The following WNT10A variants were observed in gnomAD, a reference collection of about 807,000 sequenced individuals.
WNT10A encodes Wnt family member 10A.
In WNT10A, 37 loss-of-function variants were observed where a neutral mutation model predicts 36.1. The ratio of observed to expected loss-of-function variants is 1.02; its 90% CI spans 0.79 to 1.35. WNT10A has a LOEUF of 1.35. WNT10A is among the 40% of genes most tolerant of loss of function. WNT10A has a pLI of 0.00. For synonymous variants in WNT10A, 255 were observed against 254.1 expected (o/e 1.00, Z -0.03); for missense variants, 613 against 601.4 (o/e 1.02, Z -0.20).
chr2:218,880,982 AG>A lies in WNT10A; in HGVS notation c.-11del. On this transcript the variant is annotated 5_prime_UTR_variant, in exon 1 of 4. Transcript: ENST00000258411. The surrounding 1 kb of genome is among the most constrained non-coding windows in gnomAD (Gnocchi z 7.7). ...GTGAGCCCCCCACTCCCAGCCCGTCAGGGCCTGCGCGCCATGGGCAGCGCCC... is the reference window on the plus strand; with the variant it reads ...GTGAGCCCCCCACTCCCAGCCCGTCAGGCCTGCGCGCCATGGGCAGCGCCC... 6.4e-7 allele frequency: 1 copy of A among 1,561,616 alleles called. No homozygotes were observed. The highest frequency in any genetic ancestry group is 8.7e-7 in the Non-Finnish European group (1 of 1,152,906).
chr2:218,886,695 C>A (rs1944582376), intron 2 of WNT10A, among the ~76,000 whole-genome samples: 1 of 151,898 alleles, frequency 6.6e-6, no homozygotes, highest in Non-Finnish European at 1.5e-5. Context: ...CCCGCTCCCC[C>A]TCCAGCTGGC....
chr2:218,888,504 T>C (rs1944608886), intron 2 of WNT10A, among the ~76,000 whole-genome samples: 1 of 152,230 alleles, frequency 6.6e-6, no homozygotes, highest in Non-Finnish European at 1.5e-5. Flanking sequence ...CAGCTTGCCC[T>C]TCCTTCTCCA....
chr2:218,891,551 C>G lies in WNT10A; in HGVS notation c.756+1188C>G, dbSNP rs191709741. 2.9e-3 allele frequency among the ~76,000 whole-genome samples: 440 copies of G among 152,290 alleles called. 2 individuals carry two copies. The highest frequency in any genetic ancestry group is 0.01 in the African/African-American group (426 of 41,548). ...CCTTGGGTCATGTCCAGCTCCCACC[C>G]AGCCTGCCCTGTACAGCTCTTTTCC... On this transcript the variant is annotated intron_variant, in intron 3 of 3. Coordinates refer to ENST00000258411, the MANE Select transcript of WNT10A (RefSeq NM_025216.3).
intron 2 of WNT10A, among the ~76,000 whole-genome samples, chr2:218,889,454 T>G: frequency 6.6e-6 from 1 of 152,246 alleles, no homozygotes; most frequent in East Asian, 1.9e-4. Context: ...GTGGGATTAC[T>G]GGATCAAATG....
chr2:218,891,625 C>T (rs1164933784), intron 3 of WNT10A, among the ~76,000 whole-genome samples: 2 of 152,222 alleles, frequency 1.3e-5, no homozygotes, highest in East Asian at 1.9e-4. Flanking sequence ...TCCTCCTCCT[C>T]CTCCTCGTTA....
intron 2 of WNT10A, among the ~76,000 whole-genome samples, chr2:218,883,316 AGGTCTTGTCC>A (rs1944539518): frequency 6.6e-6 from 1 of 152,020 alleles, no homozygotes; most frequent in Non-Finnish European, 1.5e-5. Context: ...CTAGCTCCTT[AGGTCTTGTCC>A]AATTTTCAGT....
chr2:218,884,269 G>A (rs1328140644), intron 2 of WNT10A: 1 of 152,198 alleles, frequency 6.6e-6, no homozygotes, highest in Non-Finnish European at 1.5e-5. Context: ...GAACAGCGCA[G>A]GGCTGGCTGG....
chr2:218,883,143 A>G (rs1365419776), intron 2 of WNT10A, among the ~76,000 whole-genome samples: 1 of 152,102 alleles, frequency 6.6e-6, no homozygotes, highest in Admixed American at 6.5e-5. Context: ...TGGGGATGGC[A>G]GGAGGTTTTG....
rs369027365 is a variant in WNT10A at position 218,889,995 on chromosome 2, A to G, written c.388A>G (p.Ser130Gly). Residue 130 changes from serine to glycine, a missense_variant, in exon 3 of 4, where the codon AGC (serine) becomes GGC (glycine). Transcript: ENST00000258411. ...SPIFSRGFRE[S>G]AFAYAIAAAG... ...GTCTTTAACCACAGGTTTCCGAGAG[A>G]GCGCTTTTGCCTACGCCATCGCAGC... The G allele has an allele frequency of 2.5e-6, 4 of 1,612,886 alleles. No homozygotes were observed. Among genetic ancestry groups the G allele is most frequent in the Non-Finnish European group, 3.4e-6 (4 of 1,180,032 alleles).
At chr2:218,880,042 T>G (rs942922152), upstream of WNT10A, among the ~76,000 whole-genome samples, 12 of 151,990 alleles carry the variant, frequency 7.9e-5, no homozygotes, top group Admixed American at 6.5e-5. The surrounding 1 kb of genome is among the most constrained non-coding windows in gnomAD (Gnocchi z 7.7). Context: ...AGGCACCTGT[T>G]TAAGGTCACA....
In WNT10A at chr2:218,893,502, C is replaced by A; in HGVS notation, c.*231C>A. On this transcript the variant is annotated 3_prime_UTR_variant, in exon 4 of 4. Transcript: ENST00000258411. The surrounding 1 kb of genome is among the most constrained non-coding windows in gnomAD (Gnocchi z 6.3). ...CTCTAGGACTGACTGGGTTCTTCCT[C>A]CCTCCCCGAAGCCCAGACAGTTCAG... The A allele has an allele frequency of 1.9e-6, 1 of 523,736 alleles. No individual in the cohort carries two copies. Among genetic ancestry groups the A allele is most frequent in the Non-Finnish European group, 3.1e-6 (1 of 321,668 alleles). The allele number at this position is 523,736 out of a possible 1,614,324, so 32.4% of individuals were successfully genotyped here.
rs1944668781 is a variant in WNT10A at position 218,892,789 on chromosome 2, A to C, written c.772A>C (p.Met258Leu). 1 of 1,594,984 alleles carries C rather than the reference A, an allele frequency of 6.3e-7. No homozygotes were observed. The change falls in exon 4 of 4, where the codon ATG (methionine) becomes CTG (leucine). Residue 258 changes from methionine (M) to leucine (L), a missense_variant. Physicochemically the swap from Met to Leu is conservative, Grantham distance 15. Transcript: ENST00000258411. ...CCCTCCGCAGGCAGTGATGGAGAAC[A>C]TGCGGCGGAAGTGCAAGTGCCACGG... ...RVGRQAVMEN[M>L]RRKCKCHGTS... is the part of the protein sequence containing the mutation.
chr2:218,883,658 C>T (rs905121648), intron 2 of WNT10A, among the ~76,000 whole-genome samples: 23 of 151,678 alleles, frequency 1.5e-4, no homozygotes, highest in African/African-American at 4.8e-4. Flanking sequence ...CTAATCCCCG[C>T]GGGCCGCGGC....
At chr2:218,886,723 G>A (rs1033103433) in intron 2 of WNT10A, among the ~76,000 whole-genome samples, 1 of 150,588 alleles carries the variant, frequency 6.6e-6, no homozygotes, top group African/African-American at 2.4e-5. Context: ...CACAGTGCCT[G>A]TGTCTGCCCC....
chr2:218,878,003 C>T (rs1487864708), upstream of WNT10A, among the ~76,000 whole-genome samples: 1 of 152,194 alleles, frequency 6.6e-6, no homozygotes, highest in Admixed American at 6.5e-5. This position sits in a 1 kb window ranked among gnomAD's most constrained non-coding sequence, Gnocchi z 4.1. Context: ...CTGTGACCTT[C>T]TCCAGAGCTG....
chr2:218,878,069 C>G (rs552631220), upstream of WNT10A, among the ~76,000 whole-genome samples: 10 of 152,314 alleles, frequency 6.6e-5, no homozygotes, highest in African/African-American at 2.2e-4. The surrounding 1 kb of genome is among the most constrained non-coding windows in gnomAD (Gnocchi z 4.1). Context: ...CCCCCGCCCC[C>G]CAGTGGCCCC....
chr2:218,882,270 T>TGTGTGC lies in WNT10A; in HGVS notation c.226_231dup (p.Val76_Arg77dup). 1.2e-6 allele frequency: 2 copies of TGTGTGC among 1,614,120 alleles called. No individual in the cohort carries two copies. The highest frequency in any genetic ancestry group is 1.7e-6 in the Non-Finnish European group (2 of 1,180,008). The stretch of plus-strand genomic sequence containing the variant: ...CCTGAGCCGGCGGCAGATGGAGGTG[T>TGTGTGC]GTGTGCGTCACCCTGATGTGGCTGC... On this transcript the variant is annotated inframe_insertion, in exon 2 of 4. Coordinates refer to ENST00000258411, the MANE Select transcript of WNT10A (RefSeq NM_025216.3).
At position 218,881,050 on chromosome 2, in the gene WNT10A, CGGCCAGCGCTCT is replaced by C. The variant is rs1293395243; in HGVS notation, c.58_69del (p.Pro20_Trp23del). 1 of 1,604,248 alleles carries C rather than the reference CGGCCAGCGCTCT, an allele frequency of 6.2e-7. No homozygotes were observed. The highest frequency in any genetic ancestry group is 1.7e-5 in the Admixed American group (1 of 59,250). ...GCGGCTCCGACCCCAGCCCCAGCCG[CGGCCAGCGCTCT>C]GGGTGCTCCTGTTCTTCCTACTGCT... is the stretch of plus-strand genomic sequence containing the variant. On this transcript the variant is annotated inframe_deletion, in exon 1 of 4. Coordinates refer to ENST00000258411, the MANE Select transcript of WNT10A (RefSeq NM_025216.3).
upstream of WNT10A, among the ~76,000 whole-genome samples, chr2:218,876,311 G>A (rs1467628715): frequency 6.6e-6 from 1 of 152,196 alleles, no homozygotes; most frequent in African/African-American, 2.4e-5. Flanking sequence ...GGCACAGGGA[G>A]CAAAGCACAG....
Sources: allele counts gnomAD v4.1 joint callset (sites outside exome capture counted in the v4.1 genomes callset), GRCh38; gene constraint gnomAD v4.1.1; non-coding constraint Gnocchi (gnomAD v3.1); transcripts MANE v1.5; gene names NCBI Gene and HGNC (gene_info 2026-07-23, HGNC 2026-07-21).